The following DOCK4 variants were observed in gnomAD, a reference collection of about 807,000 sequenced individuals.
The protein encoded by DOCK4 is dedicator of cytokinesis protein 4.
DOCK4 carries 97 observed loss-of-function variants against 268.1 expected under a neutral mutation model. The observed-to-expected ratio is 0.36, with a 90% confidence interval of 0.31 to 0.43. The LOEUF (loss-of-function observed/expected upper bound fraction) is 0.43. Ranked by LOEUF, DOCK4 falls within the 20% of genes least tolerant of loss-of-function variation. The pLI, the probability that DOCK4 is intolerant of heterozygous loss-of-function variation, is 1.00. For missense variants in DOCK4, 2,145 were observed against 2,455.7 expected, an observed-to-expected ratio of 0.87 and a Z score of 2.67; for synonymous variants, 954 against 887.2, an observed-to-expected ratio of 1.08 and a Z score of -1.34.
intron 1 of DOCK4, among the ~76,000 whole-genome samples, chr7:112,118,365 A>T (rs1812374080): frequency 6.6e-6 from 1 of 152,182 alleles, no homozygotes; most frequent in African/African-American, 2.4e-5. Context: ...AACTGCTTCA[A>T]ATGAAAATCA....
At chr7:111,809,999 A>G (rs1400461853) in intron 28 of DOCK4, among the ~76,000 whole-genome samples, 1 of 152,158 alleles carries the variant, frequency 6.6e-6, no homozygotes, top group Non-Finnish European at 1.5e-5. Flanking sequence ...AAAAAAAAAA[A>G]AGGACATAAT....
At chr7:112,193,030 C>T (rs1820115094) in intron 1 of DOCK4, among the ~76,000 whole-genome samples, 1 of 152,166 alleles carries the variant, frequency 6.6e-6, no homozygotes, top group Non-Finnish European at 1.5e-5. Flanking sequence ...AAACAAAGTA[C>T]TCCTAACCCA....
intron 1 of DOCK4, among the ~76,000 whole-genome samples, chr7:112,205,036 G>A (rs576568508): frequency 1.1e-3 from 173 of 152,236 alleles, no homozygotes; most frequent in African/African-American, 4.0e-3. Context: ...TTGTCGGAGA[G>A]CCTGGCTTCT....
intron 8 of DOCK4, 41 bp from the exon 9 acceptor site, chr7:111,945,839 ATAGT>A (rs1310093822): frequency 6.8e-7 from 1 of 1,463,354 alleles, no homozygotes; most frequent in Middle Eastern, 1.7e-4. Context: ...AAATTATTTA[ATAGT>A]TAAAGATTTA....
chr7:112,094,026 A>G (rs1176110668), intron 1 of DOCK4, among the ~76,000 whole-genome samples: 1 of 152,118 alleles, frequency 6.6e-6, no homozygotes, highest in Non-Finnish European at 1.5e-5. Context: ...TAAGCATAAA[A>G]ATACACTAAA....
rs1468909769 is a variant in DOCK4 at position 111,728,557 on chromosome 7, G to A, written c.5645C>T (p.Ser1882Leu). ...SGFENQVNEQ[S>L]APLPVPVPVP... ...CGGCACTGGCACCGGCAGGGGGGCCGACTGTTCATTCACCTGATTTTCAAA... is the reference window on the plus strand; with the variant it reads ...CGGCACTGGCACCGGCAGGGGGGCCAACTGTTCATTCACCTGATTTTCAAA... Residue 1882 changes from serine (S) to leucine (L), a missense_variant, in exon 53 of 53, where the codon TCG (serine) becomes TTG (leucine). This residue lies in a region of DOCK4 where 547 missense variants were observed against 469.0 expected (regional missense o/e 1.17). Transcript: ENST00000428084. The A allele has an allele frequency of 2.5e-6, 4 of 1,613,954 alleles. No homozygotes were observed. The highest frequency in any genetic ancestry group is 1.7e-5 in the Admixed American group (1 of 60,038).
chr7:111,960,318 C>T (rs1021926423), intron 8 of DOCK4, among the ~76,000 whole-genome samples: 1 of 148,950 alleles, frequency 6.7e-6, no homozygotes, highest in Admixed American at 6.7e-5. Context: ...GAGCCGAGAT[C>T]GCGCCACTGC....
At chr7:112,151,670 A>T (rs1245894965) in intron 1 of DOCK4, among the ~76,000 whole-genome samples, 1 of 152,018 alleles carries the variant, frequency 6.6e-6, no homozygotes, top group Non-Finnish European at 1.5e-5. Context: ...TGGGTCTCTG[A>T]ATGCTTTTCT....
Position 111,735,135 on chromosome 7 carries a change from C to A in DOCK4, c.5338G>T (p.Asp1780Tyr). Residue 1780 changes from aspartate to tyrosine, a missense_variant, in exon 51 of 53, where the codon GAC (aspartate) becomes TAC (tyrosine). Physicochemically the swap from Asp to Tyr is radical, Grantham distance 160 (BLOSUM62 -3). This residue lies in a region of DOCK4 where 547 missense variants were observed against 469.0 expected (regional missense o/e 1.17). Transcript: ENST00000428084. ...ATGTTCTTGGCTTCCTTCCCACTGTCCAGGCTCCAGCTGCTAGGGGTGGGG... is the reference window on the plus strand; with the variant it reads ...ATGTTCTTGGCTTCCTTCCCACTGTACAGGCTCCAGCTGCTAGGGGTGGGG... ...VNPTPSSWSL[D>Y]SGKEAKNMSD... The A allele has an allele frequency of 6.3e-7, 1 of 1,597,134 alleles. No individual in the cohort carries two copies. Among genetic ancestry groups the A allele is most frequent in the Non-Finnish European group, 8.5e-7 (1 of 1,171,386 alleles).
At chr7:112,020,230 C>T (rs1802195169) in intron 1 of DOCK4, among the ~76,000 whole-genome samples, 2 of 152,110 alleles carry the variant, frequency 1.3e-5, no homozygotes, top group East Asian at 1.9e-4. Flanking sequence ...CTTTTTTATC[C>T]TCATACATGT....
At chr7:112,141,686 C>T (rs1814947262) in intron 1 of DOCK4, among the ~76,000 whole-genome samples, 2 of 152,188 alleles carry the variant, frequency 1.3e-5, no homozygotes, top group Non-Finnish European at 2.9e-5. Context: ...TGCAACACTA[C>T]GACCTCTTTA....
At chr7:111,957,779 A>G (rs1228947420) in intron 8 of DOCK4, among the ~76,000 whole-genome samples, 1 of 152,216 alleles carries the variant, frequency 6.6e-6, no homozygotes, top group Non-Finnish European at 1.5e-5. Context: ...GAACGAATGA[A>G]CATCAGCAAT....
chr7:111,732,143 A>G (rs936233744), intron 52 of DOCK4, 83 bp downstream of exon 52: 1 of 1,377,628 alleles, frequency 7.3e-7, no homozygotes. Context: ...AAATTAAAGC[A>G]CCTTTTGATA....
At chr7:112,111,994 C>T (rs1811699013) in intron 1 of DOCK4, among the ~76,000 whole-genome samples, 1 of 152,216 alleles carries the variant, frequency 6.6e-6, no homozygotes, top group Admixed American at 6.5e-5. Flanking sequence ...ACTGTACCAA[C>T]ACCTGTAGCA....
In DOCK4 at chr7:111,915,852, C is replaced by T. The variant is rs1382335249; in HGVS notation, c.1119G>A (p.Arg373=). ...LLHGDIEQIR[R]EYSSVFSHGV... ...CATGAGAAAATACTGATGAATATTCCCTTCTGATTTGTTCAATGTCTCCGT... is the reference window on the plus strand; with the variant it reads ...CATGAGAAAATACTGATGAATATTCTCTTCTGATTTGTTCAATGTCTCCGT... Residue 373 remains arginine, a synonymous_variant, in exon 13 of 53, where the codon AGG becomes AGA. Coordinates refer to ENST00000428084, the MANE Select transcript of DOCK4 (RefSeq NM_001363540.2). 2 of 1,612,300 alleles carry T rather than the reference C, an allele frequency of 1.2e-6. No individual in the cohort carries two copies. Among genetic ancestry groups the T allele is most frequent in the Non-Finnish European group, 1.7e-6 (2 of 1,179,204 alleles).
chr7:111,888,951 A>G (rs1311222629), intron 16 of DOCK4, among the ~76,000 whole-genome samples: 1 of 152,160 alleles, frequency 6.6e-6, no homozygotes, highest in East Asian at 1.9e-4. Context: ...TCTCTACTCC[A>G]GCAGCTATAC....
At chr7:112,153,615 A>G (rs1816311149) in intron 1 of DOCK4, among the ~76,000 whole-genome samples, 1 of 152,200 alleles carries the variant, frequency 6.6e-6, no homozygotes, top group African/African-American at 2.4e-5. Context: ...TCCATCATGT[A>G]TATTTCTTCA....
chr7:111,906,199 G>T (rs1316922121), intron 13 of DOCK4, among the ~76,000 whole-genome samples: 1 of 152,054 alleles, frequency 6.6e-6, no homozygotes, highest in Non-Finnish European at 1.5e-5. Context: ...GTCCTGTGTT[G>T]CTTTGCATTT....
At chr7:111,999,286 T>C (rs182066730) in intron 3 of DOCK4, among the ~76,000 whole-genome samples, 165 of 152,268 alleles carry the variant, frequency 1.1e-3, no homozygotes, top group African/African-American at 3.6e-3. Flanking sequence ...TATATCACCA[T>C]TGTGGATCCA....
Sources: gnomAD v4.1 joint callset for allele counts (sites outside exome capture counted in the v4.1 genomes callset) on GRCh38, gnomAD v4.1.1 for gene constraint, gnomAD v4.1.1 regional missense constraint, MANE v1.5 for transcripts, NCBI Gene and HGNC (gene_info 2026-07-23, HGNC 2026-07-21) for gene names.